KANK1: variants seen among roughly 807,000 people sequenced by gnomAD.
KANK1 encodes KN motif and ankyrin repeat domain-containing protein 1.
In KANK1, 109 loss-of-function variants were observed where a neutral mutation model predicts 106.2. The observed-to-expected ratio is 1.03, with a 90% CI of 0.88 to 1.20. The LOEUF (loss-of-function observed/expected upper bound fraction) is 1.20, where lower values mean the gene tolerates loss of function less well. Among genes scored for constraint, KANK1 ranks in the 50% most tolerant of loss-of-function variants. The probability of loss-of-function intolerance (pLI) is 0.00; values close to 1 mark genes in which losing one functional copy is unlikely to be tolerated. For synonymous variants in KANK1, 873 were observed against 652.2 expected (o/e 1.34, Z -5.16); for missense variants, 2,399 against 1,710.7 (o/e 1.40, Z -7.10).
chr9:545,205 A>G (rs112852438), intron 1 of KANK1, among the ~76,000 whole-genome samples: 3 of 152,130 alleles, frequency 2.0e-5, no homozygotes, highest in South Asian at 2.1e-4. Flanking sequence ...GGGAGAGGCA[A>G]ACATCAAGCC....
chr9:608,195 G>C lies in KANK1; in HGVS notation c.-83-68695G>C, dbSNP rs547483661. ...TGGGACTACAGGCGCCCGCCACCGC[G>C]CCCGGCTAATTTTTTGTATTTTTAG... On this transcript the variant is annotated intron_variant, in intron 1 of 11. Transcript: ENST00000382297. Among the ~76,000 whole-genome samples, 717 of 149,256 alleles carry C rather than the reference G, an allele frequency of 4.8e-3. 30 individuals are homozygous for C. Among genetic ancestry groups the C allele is most frequent in the African/African-American group, 0.017 (667 of 40,044 alleles).
At chr9:657,732 G>C (rs557902515) in intron 1 of KANK1, among the ~76,000 whole-genome samples, 5 of 152,114 alleles carry the variant, frequency 3.3e-5, no homozygotes, top group Non-Finnish European at 7.4e-5. Context: ...TTAACATTGT[G>C]AGAGCTTTTA....
chr9:532,122 T>G (rs375969118), intron 1 of KANK1, among the ~76,000 whole-genome samples: 1 of 152,172 alleles, frequency 6.6e-6, no homozygotes, highest in African/African-American at 2.4e-5. Context: ...GTCCTTTCCT[T>G]GGATGACTCT....
At chr9:633,820 G>T (rs1202296949) in intron 1 of KANK1, among the ~76,000 whole-genome samples, 4 of 152,040 alleles carry the variant, frequency 2.6e-5, no homozygotes, top group African/African-American at 9.7e-5. Flanking sequence ...ACCTGGCTAA[G>T]TTTTTATTTT....
chr9:742,531 T>TA, intron 10 of KANK1, 126 bp downstream of exon 10: 3 of 675,376 alleles, frequency 4.4e-6, no homozygotes, highest in Non-Finnish European at 7.4e-6. Context: ...TGTGTCGCCA[T>TA]CTAGGTGCCT....
chr9:744,963 G>A (rs1312163810), intron 11 of KANK1: 6 of 1,464,290 alleles, frequency 4.1e-6, no homozygotes, highest in African/African-American at 2.8e-5. Context: ...GAGTGGGAAG[G>A]TGACTTCCCA....
intron 1 of KANK1, among the ~76,000 whole-genome samples, chr9:515,306 C>G (rs947587392): frequency 5.3e-5 from 8 of 150,134 alleles, no homozygotes; most frequent in Admixed American, 2.7e-4. Flanking sequence ...GATCGTGCCA[C>G]TGCCCTCCAG....
chr9:589,504 T>TACC (rs1824305942), intron 1 of KANK1, among the ~76,000 whole-genome samples: 1 of 150,948 alleles, frequency 6.6e-6, no homozygotes, highest in Non-Finnish European at 1.5e-5. Flanking sequence ...GAGAGGGAGG[T>TACC]ACCCAGCGGG....
intron 3 of KANK1, among the ~76,000 whole-genome samples, chr9:721,823 C>G (rs1486968456): frequency 6.6e-6 from 1 of 152,200 alleles, no homozygotes; most frequent in Non-Finnish European, 1.5e-5. Flanking sequence ...TAAGAATGAC[C>G]CCAACCAGAC....
chr9:656,405 T>C (rs943213474), intron 1 of KANK1, among the ~76,000 whole-genome samples: 1 of 152,110 alleles, frequency 6.6e-6, no homozygotes, highest in Non-Finnish European at 1.5e-5. Context: ...GCTATGAAAG[T>C]GTCCTTGGGA....
intron 1 of KANK1, among the ~76,000 whole-genome samples, chr9:668,603 T>C (rs1845206521): frequency 6.6e-6 from 1 of 152,218 alleles, no homozygotes; most frequent in Non-Finnish European, 1.5e-5. Flanking sequence ...GTACTATGTT[T>C]TAATTTGTTG....
chr9:741,205 C>T (rs182555916), intron 9 of KANK1, among the ~76,000 whole-genome samples: 2 of 152,104 alleles, frequency 1.3e-5, no homozygotes, highest in South Asian at 2.1e-4. Flanking sequence ...CTGTTAGTTC[C>T]CCTACATATA....
chr9:723,567 G>GT (rs1359949340), intron 3 of KANK1, among the ~76,000 whole-genome samples: 2 of 151,974 alleles, frequency 1.3e-5, no homozygotes, highest in African/African-American at 4.8e-5. Context: ...CAAGGCTACA[G>GT]TTAGCTATGA....
At chr9:503,164 T>C (rs1273821904), upstream of KANK1, among the ~76,000 whole-genome samples, 2 of 151,586 alleles carry the variant, frequency 1.3e-5, no homozygotes, top group Non-Finnish European at 2.9e-5. Context: ...AATGCAGGAG[T>C]CTTCCTGCCT....
intron 1 of KANK1, among the ~76,000 whole-genome samples, chr9:558,344 T>G (rs1587799407): frequency 6.6e-6 from 1 of 152,240 alleles, no homozygotes; most frequent in Non-Finnish European, 1.5e-5. Flanking sequence ...GCTGTGGACA[T>G]AATTAGTGAA....
chr9:723,223 C>A (rs958942409), intron 3 of KANK1, among the ~76,000 whole-genome samples: 1 of 152,106 alleles, frequency 6.6e-6, no homozygotes, highest in Non-Finnish European at 1.5e-5. Context: ...TCCACCTTGA[C>A]CCTTGGATGC....
chr9:640,789 C>A (rs765632883), intron 1 of KANK1, among the ~76,000 whole-genome samples: 3 of 151,380 alleles, frequency 2.0e-5, no homozygotes, highest in Admixed American at 1.3e-4. Context: ...CTCTGCCTGC[C>A]GGGTCCACAC....
At chr9:690,230 C>T (rs931637854) in intron 2 of KANK1, among the ~76,000 whole-genome samples, 6 of 147,808 alleles carry the variant, frequency 4.1e-5, no homozygotes, top group African/African-American at 1.0e-4. Context: ...TGGTTGAACC[C>T]GGGAGGCAGA....
chr9:508,565 A>G lies in KANK1; in HGVS notation c.-84+3811A>G, dbSNP rs151168550. Reference sequence around the variant, plus strand: ...AGAAGTGCCCCTATACTCTTGTCCAATCACTGCCCCTCCCGAAGAGTAACC... The same window carrying G: ...AGAAGTGCCCCTATACTCTTGTCCAGTCACTGCCCCTCCCGAAGAGTAACC... On this transcript the variant is annotated intron_variant, in intron 1 of 11. Transcript: ENST00000382297. Among the ~76,000 whole-genome samples the G allele has an allele frequency of 2.5e-3, 386 of 151,942 alleles. 15 individuals are homozygous for G. The highest frequency in any genetic ancestry group is 8.9e-3 in the African/African-American group (367 of 41,194).
Sources: allele counts gnomAD v4.1 joint callset (sites outside exome capture counted in the v4.1 genomes callset), GRCh38; gene constraint gnomAD v4.1.1; transcripts MANE v1.5; gene names NCBI Gene and HGNC (gene_info 2026-07-23, HGNC 2026-07-21).